The following PTPRB variants were observed in gnomAD, a reference collection of about 807,000 sequenced individuals.
PTPRB encodes the protein protein tyrosine phosphatase receptor type B.
PTPRB carries 97 observed loss-of-function variants against 238.1 expected under a neutral mutation model. The observed-to-expected ratio is 0.41, with a 90% confidence interval of 0.35 to 0.48. The LOEUF is 0.48. PTPRB is among the 20% of genes least tolerant of loss of function. PTPRB has a pLI of 0.30. For synonymous variants in PTPRB, 970 were observed against 995.4 expected (o/e 0.97, Z 0.48); for missense variants, 2,292 against 2,681.9 (o/e 0.85, Z 3.21).
At chr12:70,611,724 C>G (rs1334960426) in intron 3 of PTPRB, among the ~76,000 whole-genome samples, 1 of 152,214 alleles carries the variant, frequency 6.6e-6, no homozygotes, top group Admixed American at 6.5e-5. Flanking sequence ...CAAATCCTTT[C>G]AAGTTAACAA....
intron 33 of PTPRB, among the ~76,000 whole-genome samples, chr12:70,523,350 C>G (rs934038302): frequency 5.3e-5 from 8 of 152,106 alleles, no homozygotes; most frequent in African/African-American, 1.4e-4. Flanking sequence ...AGGGGTCTCA[C>G]TTTGCTGCCC....
chr12:70,568,511 A>G (rs1320906529), intron 14 of PTPRB, among the ~76,000 whole-genome samples: 3 of 152,056 alleles, frequency 2.0e-5, no homozygotes, highest in Non-Finnish European at 2.9e-5. Flanking sequence ...GTTAGCCAGG[A>G]TGGTCTCAAT....
rs1383883444 is a variant in PTPRB, at chr12:70,559,291, A to G, written c.4714+52T>C. The G allele has an allele frequency of 4.6e-6, 7 of 1,527,966 alleles. No individual in the cohort carries two copies. In the African/African-American group the frequency reaches 8.2e-5, roughly 18 times the overall value. 94.7% of individuals were successfully genotyped at this position (1,527,966 alleles called of 1,614,324 possible). On this transcript the variant is annotated intron_variant, in intron 18 of 33. Transcript: ENST00000334414. ...GCCCTATTTGAGTAAGATGTTGAAC[A>G]TATACTTCCTCTACTCCATTTGAGA...
chr12:70,548,342 TCTCTCACACACACACACACA>T (rs1418300850), intron 21 of PTPRB, among the ~76,000 whole-genome samples: 1 of 58,438 alleles, frequency 1.7e-5, no homozygotes, highest in Admixed American at 1.4e-4. Flanking sequence ...TCTCTCTCTC[TCTCTCACACACACACACACA>T]CACACACACA....
intron 4 of PTPRB, among the ~76,000 whole-genome samples, chr12:70,601,712 CA>C (rs1183813082): frequency 6.6e-6 from 1 of 151,248 alleles, no homozygotes; most frequent in African/African-American, 2.4e-5. Context: ...AGAAGAAAAA[CA>C]AAACGGAAAA....
At chr12:70,530,004 A>G (rs1482820261) in intron 32 of PTPRB, among the ~76,000 whole-genome samples, 1 of 152,166 alleles carries the variant, frequency 6.6e-6, no homozygotes, top group African/African-American at 2.4e-5. Context: ...TGAAAAAGCA[A>G]TCAGCCACAT....
chr12:70,628,351 T>C (rs1347973592), intron 2 of PTPRB, among the ~76,000 whole-genome samples: 1 of 152,208 alleles, frequency 6.6e-6, no homozygotes, highest in Non-Finnish European at 1.5e-5. Context: ...TTTTAGACAA[T>C]TGACTAGCTT....
At chr12:70,625,092 T>A (rs1319681850) in intron 2 of PTPRB, among the ~76,000 whole-genome samples, 2 of 152,192 alleles carry the variant, frequency 1.3e-5, no homozygotes, top group African/African-American at 2.4e-5. Flanking sequence ...GCAAGTTCAT[T>A]TTCCATTTTA....
chr12:70,539,304 C>T (rs905310730), intron 26 of PTPRB: 5 of 528,990 alleles, frequency 9.5e-6, no homozygotes, highest in Admixed American at 3.3e-5. Flanking sequence ...TGCGAAACCA[C>T]GGCATCTTCC....
intron 8 of PTPRB, among the ~76,000 whole-genome samples, chr12:70,589,488 T>C (rs1882262723): frequency 6.6e-6 from 1 of 152,176 alleles, no homozygotes; most frequent in Non-Finnish European, 1.5e-5. Flanking sequence ...TTGCAAAGCT[T>C]TGGGCAAGTT....
chr12:70,589,646 T>C (rs905232207), intron 8 of PTPRB, among the ~76,000 whole-genome samples: 17 of 143,014 alleles, frequency 1.2e-4, no homozygotes, highest in African/African-American at 4.2e-4. Flanking sequence ...AATGGTTCCC[T>C]AATGCTGATC....
Position 70,560,662 on chromosome 12 carries a change from G to C in PTPRB, c.4432+9C>G. On this transcript the variant is annotated intron_variant, in intron 17 of 33. Transcript: ENST00000334414. This position sits in a 1 kb window ranked among gnomAD's most constrained non-coding sequence, Gnocchi z 4.2. ...CCATCCCTTGGCCATTGGCACCTGGGCTTCTCACCTGTTCTGCTCTCCGCT... is the reference window on the plus strand; with the variant it reads ...CCATCCCTTGGCCATTGGCACCTGGCCTTCTCACCTGTTCTGCTCTCCGCT... The C allele has an allele frequency of 6.2e-7, 1 of 1,611,980 alleles. No homozygotes were observed. The highest frequency in any genetic ancestry group is 8.5e-7 in the Non-Finnish European group (1 of 1,178,568).
chr12:70,609,186 T>C lies in PTPRB; in HGVS notation c.862A>G (p.Thr288Ala), dbSNP rs1416495748. ...SDTLGAALCPTFRIDNTTYGC... is the reference protein window; with the variant it reads ...SDTLGAALCPAFRIDNTTYGC... ...TATGTGGTGTTGTCTATCCGAAAGG[T>C]AGGGCACAACGCGGCCCCCAGGGTG... The change falls in exon 4 of 34, where the codon ACC becomes GCC. Residue 288 changes from threonine (T) to alanine (A), a missense_variant. This residue lies in a region of PTPRB where 1,205 missense variants were observed against 1,287.8 expected (regional missense o/e 0.94). Transcript: ENST00000334414. 1.9e-6 allele frequency: 3 copies of C among 1,614,002 alleles called. No individual in the cohort carries two copies. The South Asian group carries it at 3.3e-5, about 18-fold the overall frequency.
chr12:70,581,439 C>A, intron 9 of PTPRB, 137 bp from the exon 10 acceptor site: 4 of 938,910 alleles, frequency 4.3e-6, no homozygotes, highest in Non-Finnish European at 6.2e-6. Flanking sequence ...ACTCTCAGTT[C>A]TATTTCCTGT....
intron 14 of PTPRB, among the ~76,000 whole-genome samples, 176 bp downstream of exon 14, chr12:70,569,499 T>C (rs1879758913): frequency 6.6e-6 from 1 of 152,182 alleles, no homozygotes; most frequent in Non-Finnish European, 1.5e-5. Flanking sequence ...GTTTTGCAGA[T>C]CTCTATTAAG....
intron 3 of PTPRB, among the ~76,000 whole-genome samples, chr12:70,618,248 C>T (rs1309347389): frequency 6.6e-6 from 1 of 152,122 alleles, no homozygotes; most frequent in Non-Finnish European, 1.5e-5. Context: ...CACAGGCACG[C>T]ACCACCATAT....
chr12:70,558,255 T>C (rs957688830), intron 18 of PTPRB, among the ~76,000 whole-genome samples: 12 of 152,326 alleles, frequency 7.9e-5, no homozygotes, highest in African/African-American at 2.9e-4. Context: ...AAACTCATCC[T>C]GAGCTCGCCA....
intron 2 of PTPRB, among the ~76,000 whole-genome samples, chr12:70,631,543 C>G (rs927666131): frequency 2.6e-5 from 4 of 152,076 alleles, no homozygotes; most frequent in Non-Finnish European, 5.9e-5. Context: ...ACTAAAACAC[C>G]AAAAGCAATG....
chr12:70,534,748 A>G (rs1873829892), intron 30 of PTPRB, 85 bp downstream of exon 30: 1 of 1,599,378 alleles, frequency 6.3e-7, no homozygotes, highest in Non-Finnish European at 8.5e-7. Context: ...GGCTGAAACT[A>G]CAAGAGAGGA....
Sources: gnomAD v4.1 joint callset for allele counts (sites outside exome capture counted in the v4.1 genomes callset) on GRCh38, gnomAD v4.1.1 for gene constraint, gnomAD v4.1.1 regional missense constraint, Gnocchi (gnomAD v3.1) non-coding constraint, MANE v1.5 for transcripts, NCBI Gene and HGNC (gene_info 2026-07-23, HGNC 2026-07-21) for gene names.